TAF5: variants seen among roughly 807,000 people sequenced by gnomAD.
TAF5 encodes transcription initiation factor TFIID subunit 5.
A neutral mutation model predicts 80.9 loss-of-function variants in TAF5; 20 were observed. The observed-to-expected ratio is 0.25, with a 90% CI of 0.17 to 0.36. TAF5 has a LOEUF of 0.36. Ranked by LOEUF, TAF5 falls within the 10% of genes least tolerant of loss-of-function variation. The pLI, the probability that TAF5 is intolerant of heterozygous loss-of-function variation, is 1.00. For synonymous variants in TAF5, 388 were observed against 406.4 expected (o/e 0.95, Z 0.55); for missense variants, 863 against 1,029.4 (o/e 0.84, Z 2.21).
rs919691215 is a variant in TAF5, at chr10:103,368,091, G to A, written c.102G>A (p.Glu34=). ...CGCAGGCGGGGGACGGCGCAGGCGA[G>A]GGTAGCGGCGGCACTACCAACAACG... The part of the protein sequence containing the change: ...LPPQAGDGAG[E]GSGGTTNNGP... The change falls in exon 1 of 11, where the codon GAG becomes GAA. Residue 34 remains glutamate, a synonymous_variant. Coordinates refer to ENST00000369839, the MANE Select transcript of TAF5 (RefSeq NM_006951.5). 2.1e-6 allele frequency: 3 copies of A among 1,424,104 alleles called. No individual in the cohort carries two copies. The highest frequency in any genetic ancestry group is 1.4e-5 in the South Asian group (1 of 69,282). 88.2% of individuals were successfully genotyped at this position (1,424,104 alleles called of 1,614,324 possible).
At chr10:103,377,779 A>G (rs949084389) in intron 2 of TAF5, among the ~76,000 whole-genome samples, 3 of 152,180 alleles carry the variant, frequency 2.0e-5, no homozygotes, top group Non-Finnish European at 2.9e-5. Context: ...TGAGATGCTG[A>G]GTACTGTGTA....
At chr10:103,383,173 T>C in intron 6 of TAF5, 65 bp from the exon 7 acceptor site, 1 of 1,423,612 alleles carries the variant, frequency 7.0e-7, no homozygotes, top group Non-Finnish European at 9.4e-7. Flanking sequence ...TGCACTGTGA[T>C]ATGATTACTT....
chr10:103,371,941 G>GTT (rs201273075), intron 1 of TAF5, among the ~76,000 whole-genome samples: 43 of 143,342 alleles, frequency 3.0e-4, no homozygotes, highest in Non-Finnish European at 4.1e-4. Context: ...CCTTGTTATT[G>GTT]TTTTTTTTTT....
Position 103,388,411 on chromosome 10 carries a change from C to G in TAF5, c.*188C>G. 3 of 545,220 alleles carry G rather than the reference C, an allele frequency of 5.5e-6. 1 individual carries two copies. The highest frequency in any genetic ancestry group is 9.7e-6 in the Non-Finnish European group (3 of 309,084). The allele number at this position is 545,220 out of a possible 1,614,324, so 33.8% of individuals were successfully genotyped here. A position where few individuals can be genotyped will look rare whatever the true frequency, so the allele number is the denominator to read the frequency against. On this transcript the variant is annotated 3_prime_UTR_variant, in exon 11 of 11. Transcript: ENST00000369839. ...TATAGCAACCACATTTGACTAATTT[C>G]CGTTAGTTGAATAAGAGGTATTATG...
At chr10:103,370,593 C>T (rs2093357291) in intron 1 of TAF5, among the ~76,000 whole-genome samples, 1 of 151,994 alleles carries the variant, frequency 6.6e-6, no homozygotes, top group African/African-American at 2.4e-5. Flanking sequence ...TCCCAAAGTG[C>T]TGGGATTACA....
rs1351395739 is a variant in TAF5 at position 103,381,810 on chromosome 10, C to G, written c.1503C>G (p.Pro501=). 14 of 1,614,042 alleles carry G rather than the reference C, an allele frequency of 8.7e-6. No individual in the cohort carries two copies. Among genetic ancestry groups the G allele is most frequent in the Admixed American group, 1.7e-5 (1 of 60,002 alleles). Residue 501 remains proline (P), a synonymous_variant, in exon 6 of 11, where the codon CCC becomes CCG. Coordinates refer to ENST00000369839, the MANE Select transcript of TAF5 (RefSeq NM_006951.5). ...CTGTCAGAGTGTGGTCGGTAACACCCAAAAAGCTTCGTAGTGTCAAACAAG... is the reference window on the plus strand; with the variant it reads ...CTGTCAGAGTGTGGTCGGTAACACCGAAAAAGCTTCGTAGTGTCAAACAAG... ...DSTVRVWSVT[P]KKLRSVKQAS...
chr10:103,378,295 CA>C lies in TAF5; in HGVS notation c.863del (p.Lys288ArgfsTer4). The C allele has an allele frequency of 6.2e-7, 1 of 1,613,968 alleles. No individual in the cohort carries two copies. Among genetic ancestry groups the C allele is most frequent in the Non-Finnish European group, 8.5e-7 (1 of 1,179,984 alleles). On this transcript the variant is annotated frameshift_variant, in exon 3 of 11. Coordinates refer to ENST00000369839, the MANE Select transcript of TAF5 (RefSeq NM_006951.5). LOFTEE classifies it high-confidence loss of function. This position sits in a 1 kb window ranked among gnomAD's most constrained non-coding sequence, Gnocchi z 4.1. ...ACCTACGAGTATTATCTAGTCTTAC[CA>C]AAAAGGAACACATGAAAGGGAATGA... ...DDLRVLSSLT[K>X]KEHMKGNETM...
chr10:103,386,664 A>ATTTAT (rs2093397057), intron 8 of TAF5, among the ~76,000 whole-genome samples: 1 of 133,934 alleles, frequency 7.5e-6, no homozygotes, highest in Admixed American at 7.6e-5. Flanking sequence ...AGACCTCAGC[A>ATTTAT]TTTTTTTTTT....
At chr10:103,371,933 T>G (rs1432261153) in intron 1 of TAF5, among the ~76,000 whole-genome samples, 3 of 151,090 alleles carry the variant, frequency 2.0e-5, no homozygotes, top group Admixed American at 6.6e-5. Flanking sequence ...TACTGACTCC[T>G]TGTTATTGTT....
Position 103,383,246 on chromosome 10 carries a change from C to A in TAF5, c.1543C>A (p.Leu515Ile), listed in dbSNP as rs773758118. The change falls in exon 7 of 11, where the codon CTT becomes ATT. Residue 515 changes from leucine to isoleucine, a missense_variant. Physicochemically the swap from Leu to Ile is conservative, Grantham distance 5. Transcript: ENST00000369839. ...TTTCTGGACCATTTTAGATCTTAGT[C>A]TTATAGACAAAGAATCAGATGATGT... ...RSVKQASDLS[L>I]IDKESDDVLE... is the part of the protein sequence containing the mutation. The A allele has an allele frequency of 6.3e-7, 1 of 1,577,416 alleles. No individual in the cohort carries two copies. Among genetic ancestry groups the A allele is most frequent in the Non-Finnish European group, 8.6e-7 (1 of 1,168,692 alleles).
In TAF5 at chr10:103,368,220, G is replaced by A. The variant is rs763456502; in HGVS notation, c.231G>A (p.Gly77=). ...CTGTCTCCGCCGCTGCCCCGGCGGG[G>A]GCGGCCCCGGTGCCCGCCGCTGCTC... The part of the protein sequence containing the change: ...TVAVSAAAPA[G]AAPVPAAAPD... Residue 77 remains glycine, a synonymous_variant, in exon 1 of 11, where the codon GGG becomes GGA. Coordinates refer to ENST00000369839, the MANE Select transcript of TAF5 (RefSeq NM_006951.5). The A allele has an allele frequency of 4.2e-6, 6 of 1,428,068 alleles. No individual in the cohort carries two copies. The highest frequency in any genetic ancestry group is 5.5e-6 in the Non-Finnish European group (6 of 1,092,280). The allele number at this position is 1,428,068 out of a possible 1,614,324, so 88.5% of individuals were successfully genotyped here. A position where few individuals can be genotyped will look rare whatever the true frequency, so the allele number is the denominator to read the frequency against.
At chr10:103,382,082 CTTAAAG>C (rs1035282977) in intron 6 of TAF5, among the ~76,000 whole-genome samples, 5 of 152,228 alleles carry the variant, frequency 3.3e-5, no homozygotes, top group Admixed American at 2.6e-4. Context: ...AGCTAAAAAA[CTTAAAG>C]TTAAAAATCT....
intron 7 of TAF5, among the ~76,000 whole-genome samples, chr10:103,384,301 G>A (rs1248422790): frequency 6.6e-6 from 1 of 152,146 alleles, no homozygotes; most frequent in Non-Finnish European, 1.5e-5. Flanking sequence ...AGGGTGTTTT[G>A]TATTCATAAT....
At position 103,379,513 on chromosome 10, in the gene TAF5, T is replaced by C. The variant is rs548773528; in HGVS notation, c.1114-95T>C. The C allele has an allele frequency of 9.3e-5, 103 of 1,101,858 alleles. No homozygotes were observed. The South Asian group carries it at 1.8e-3, about 19-fold the overall frequency. 68.3% of individuals were successfully genotyped at this position (1,101,858 alleles called of 1,614,324 possible). ...CAGAACCCTGCTTCAGAGTGTAAAT[T>C]ACTATTTTGTAATTGTGATTTATCC... On this transcript the variant is annotated intron_variant, in intron 3 of 10. Transcript: ENST00000369839.
chr10:103,376,806 A>G (rs896142065), intron 2 of TAF5, among the ~76,000 whole-genome samples: 1 of 152,164 alleles, frequency 6.6e-6, no homozygotes, highest in Non-Finnish European at 1.5e-5. Flanking sequence ...CACTTTGAGA[A>G]GCCAAGGCGG....
intron 3 of TAF5, among the ~76,000 whole-genome samples, chr10:103,379,047 T>C (rs1046405405): frequency 2.0e-5 from 3 of 152,196 alleles, no homozygotes; most frequent in Non-Finnish European, 4.4e-5. Flanking sequence ...TTGCATTTTA[T>C]GGAACCCTGA....
rs1212270118 is a variant in TAF5, at chr10:103,373,415, A to G, written c.617A>G (p.Asn206Ser). 2 of 1,614,026 alleles carry G rather than the reference A, an allele frequency of 1.2e-6. No individual in the cohort carries two copies. Among genetic ancestry groups the G allele is most frequent in the Middle Eastern group, 1.6e-4 (1 of 6,084 alleles). Residue 206 changes from asparagine (N) to serine (S), a missense_variant, in exon 2 of 11, where the codon AAC becomes AGC. Physicochemically the swap from Asn to Ser is conservative, Grantham distance 46 (BLOSUM62 1). Transcript: ENST00000369839. ...GTCAGTGCCGTGTTGTCAGCCTACA[A>G]CCAACAAGGAGATCCCACAATGTAT... is the stretch of plus-strand genomic sequence containing the variant. ...PDVSAVLSAY[N>S]QQGDPTMYEE...
intron 6 of TAF5, among the ~76,000 whole-genome samples, chr10:103,382,479 C>T (rs2093385099): frequency 6.6e-6 from 1 of 151,986 alleles, no homozygotes; most frequent in Non-Finnish European, 1.5e-5. Flanking sequence ...CCTGTCTGGC[C>T]TCCCAAAGTG....
rs777466069 is a variant in TAF5, at chr10:103,378,209, A to G, written c.798-26A>G. ...GATCCCTTAATGATTACATTGAAAA[A>G]TGACTTTTTAAAATCACTGAAACAG... is the stretch of plus-strand genomic sequence containing the variant. On this transcript the variant is annotated intron_variant, in intron 2 of 10. Coordinates refer to ENST00000369839, the MANE Select transcript of TAF5 (RefSeq NM_006951.5). This position sits in a 1 kb window ranked among gnomAD's most constrained non-coding sequence, Gnocchi z 4.1. The G allele has an allele frequency of 6.3e-7, 1 of 1,593,796 alleles. No individual in the cohort carries two copies. The highest frequency in any genetic ancestry group is 1.1e-5 in the South Asian group (1 of 87,950).
Sources: gnomAD v4.1 joint callset for allele counts (sites outside exome capture counted in the v4.1 genomes callset) on GRCh38, gnomAD v4.1.1 for gene constraint, Gnocchi (gnomAD v3.1) non-coding constraint, MANE v1.5 for transcripts, NCBI Gene and HGNC (gene_info 2026-07-23, HGNC 2026-07-21) for gene names.